The following TMEM201 variants were observed in gnomAD, a reference collection of about 807,000 sequenced individuals.
TMEM201 encodes the protein RP13-15M17.2.
TMEM201 carries 26 observed loss-of-function variants against 63.4 expected under a neutral mutation model. That is an observed-to-expected ratio of 0.41 (90% CI 0.30 to 0.57). The LOEUF is 0.57. TMEM201 is among the 20% of genes least tolerant of loss of function. The pLI is 0.29. For missense variants in TMEM201, 794 were observed against 917.7 expected, an observed-to-expected ratio of 0.87 and a Z score of 1.74; for synonymous variants, 417 against 421.6, an observed-to-expected ratio of 0.99 and a Z score of 0.14.
In TMEM201 at chr1:9,610,162, A is replaced by T. The variant is rs1644302089; in HGVS notation, c.1465+251A>T. Reference sequence around the variant, plus strand: ...TGGCAGTCACGGCTGGAACTGGTGCACCAGGTGCCAGCTGGCAGCAAGGCC... The same window carrying T: ...TGGCAGTCACGGCTGGAACTGGTGCTCCAGGTGCCAGCTGGCAGCAAGGCC... On this transcript the variant is annotated intron_variant, in intron 8 of 10. Coordinates refer to ENST00000340381, the MANE Select transcript of TMEM201 (RefSeq NM_001130924.3). This position sits in a 1 kb window ranked among gnomAD's most constrained non-coding sequence, Gnocchi z 4.9. Among the ~76,000 whole-genome samples the T allele has an allele frequency of 6.6e-6, 1 of 152,118 alleles. No homozygotes were observed. The highest frequency in any genetic ancestry group is 2.4e-5 in the African/African-American group (1 of 41,430).
In TMEM201 at chr1:9,602,248, G is replaced by T. The variant is rs1398717723; in HGVS notation, c.1136G>T (p.Gly379Val). 6.2e-7 allele frequency: 1 copy of T among 1,611,806 alleles called. No individual in the cohort carries two copies. Among genetic ancestry groups the T allele is most frequent in the Non-Finnish European group, 8.5e-7 (1 of 1,179,912 alleles). ...GCTGTGGCCACAAGGAAGGCAACGGGCCCACGGAGGTTCCGGCCCCGAAGG... is the reference window on the plus strand; with the variant it reads ...GCTGTGGCCACAAGGAAGGCAACGGTCCCACGGAGGTTCCGGCCCCGAAGG... ...TAAVATRKAT[G>V]PRRFRPRRFF... Residue 379 changes from glycine (G) to valine (V), a missense_variant, in exon 6 of 11, where the codon GGC becomes GTC. Physicochemically the swap from Gly to Val is moderately radical, Grantham distance 109. Transcript: ENST00000340381.
At chr1:9,600,581 G>A (rs888076693) in intron 4 of TMEM201, among the ~76,000 whole-genome samples, 1 of 152,236 alleles carries the variant, frequency 6.6e-6, no homozygotes, top group African/African-American at 2.4e-5. Flanking sequence ...GAGCAGGGTA[G>A]GGAGGTGGCC....
At position 9,612,871 on chromosome 1, in the gene TMEM201, A is replaced by G. The variant is rs955328010; in HGVS notation, c.1904-115A>G. The G allele has an allele frequency of 2.5e-4, 219 of 860,208 alleles. No individual in the cohort carries two copies. In the Admixed American group the frequency reaches 3.9e-3, roughly 15 times the overall value. The allele number at this position is 860,208 out of a possible 1,614,324, so 53.3% of individuals were successfully genotyped here. On this transcript the variant is annotated intron_variant, in intron 10 of 10. Coordinates refer to ENST00000340381, the MANE Select transcript of TMEM201 (RefSeq NM_001130924.3). ...GGGGTGAGCCTCACCAGTCTCAGAG[A>G]GTACCCTGGGCAGAGCCTTGAGCTC... is the stretch of plus-strand genomic sequence containing the variant.
chr1:9,612,254 C>T (rs1033923362), intron 10 of TMEM201, among the ~76,000 whole-genome samples: 19 of 152,188 alleles, frequency 1.2e-4, no homozygotes, highest in Non-Finnish European at 1.9e-4. Context: ...GGACACATAC[C>T]GAAGGCTGCC....
rs1644213139 is a variant in TMEM201, at chr1:9,604,787, C to T, written c.1160+2515C>T. On this transcript the variant is annotated intron_variant, in intron 6 of 10. Coordinates refer to ENST00000340381, the MANE Select transcript of TMEM201 (RefSeq NM_001130924.3). The surrounding 1 kb of genome is among the most constrained non-coding windows in gnomAD (Gnocchi z 4.1). ...ATTCAGCCCTGCCCAGGAAGGAACA[C>T]ATGACCCTTCTGTCTGTGACTGTTG... 1 of 986,032 alleles carries T rather than the reference C, an allele frequency of 1.0e-6. No individual in the cohort carries two copies. 61.1% of individuals were successfully genotyped at this position (986,032 alleles called of 1,614,324 possible). A position where few individuals can be genotyped will look rare whatever the true frequency, so the allele number is the denominator to read the frequency against.
In TMEM201 at chr1:9,603,662, G is replaced by T. The variant is rs1046553832; in HGVS notation, c.1160+1390G>T. On this transcript the variant is annotated intron_variant, in intron 6 of 10. Transcript: ENST00000340381. The surrounding 1 kb of genome is among the most constrained non-coding windows in gnomAD (Gnocchi z 4.5). Reference sequence around the variant, plus strand: ...CACCTGGGTCTGCCGGGATGGGTTGGGGGGGCAGGTGCCAGGCCTCACTGC... The same window carrying T: ...CACCTGGGTCTGCCGGGATGGGTTGTGGGGGCAGGTGCCAGGCCTCACTGC... 8 of 985,364 alleles carry T rather than the reference G, an allele frequency of 8.1e-6. No individual in the cohort carries two copies. Among genetic ancestry groups the T allele is most frequent in the African/African-American group, 1.7e-5 (1 of 57,226 alleles). 61.0% of individuals were successfully genotyped at this position (985,364 alleles called of 1,614,324 possible). A position where few individuals can be genotyped will look rare whatever the true frequency, so the allele number is the denominator to read the frequency against.
At chr1:9,601,869 C>CT (rs1191325497) in intron 5 of TMEM201, among the ~76,000 whole-genome samples, 200 bp from the exon 6 acceptor site, 6 of 152,200 alleles carry the variant, frequency 3.9e-5, no homozygotes, top group Non-Finnish European at 8.8e-5. Context: ...TAGGCTAGAA[C>CT]TTACAGGCTG....
At chr1:9,589,741 G>C (rs1569898673) in intron 1 of TMEM201, among the ~76,000 whole-genome samples, 1 of 152,380 alleles carries the variant, frequency 6.6e-6, no homozygotes, top group East Asian at 1.9e-4. Flanking sequence ...TAAAAGCTTA[G>C]TGGCCTGTTG....
At position 9,611,878 on chromosome 1, in the gene TMEM201, G is replaced by A. The variant is rs1348464085; in HGVS notation, c.1891G>A (p.Ala631Thr). 10 of 1,548,164 alleles carry A rather than the reference G, an allele frequency of 6.5e-6. No individual in the cohort carries two copies. The highest frequency in any genetic ancestry group is 4.1e-5 in the African/African-American group (3 of 72,926). Residue 631 changes from alanine (A) to threonine (T), a missense_variant, in exon 10 of 11, where the codon GCC (alanine) becomes ACC (threonine). Coordinates refer to ENST00000340381, the MANE Select transcript of TMEM201 (RefSeq NM_001130924.3). ...CACCAGGGGCTGCTCGGAGGAGGCC[G>A]CCACCTGGAGAGGTCTGTACCCTGA... ...TTTRGCSEEA[A>T]TWRGRFGPSL...
chr1:9,589,968 G>A (rs1034747547), intron 1 of TMEM201, among the ~76,000 whole-genome samples: 2 of 152,346 alleles, frequency 1.3e-5, no homozygotes, highest in Non-Finnish European at 1.5e-5. Context: ...AACCCTGATC[G>A]TCTGGCTGGT....
At position 9,608,658 on chromosome 1, in the gene TMEM201, C is replaced by T. The variant is rs1381073627; in HGVS notation, c.1393+869C>T. Among the ~76,000 whole-genome samples the T allele has an allele frequency of 1.3e-5, 2 of 152,210 alleles. No individual in the cohort carries two copies. Among genetic ancestry groups the T allele is most frequent in the Non-Finnish European group, 2.9e-5 (2 of 68,028 alleles). ...TCCGAGTAAACTCTGTGCGCACTGA[C>T]CAAGGTGGCAGAGCTCAGGGACTTC... On this transcript the variant is annotated intron_variant, in intron 7 of 10. Transcript: ENST00000340381. This position sits in a 1 kb window ranked among gnomAD's most constrained non-coding sequence, Gnocchi z 4.3.
In TMEM201 at chr1:9,595,908, G is replaced by A. The variant is rs772412947; in HGVS notation, c.132G>A (p.Thr44=). Residue 44 remains threonine, a synonymous_variant, in exon 2 of 11, where the codon ACG becomes ACA. Transcript: ENST00000340381. Reference sequence around the variant, plus strand: ...TCCACAGGATGAAGCCAACGCACACGATGGTCAACTGCTGGTTCTGCAACC... The same window carrying A: ...TCCACAGGATGAAGCCAACGCACACAATGGTCAACTGCTGGTTCTGCAACC... The part of the protein sequence containing the change: ...RIARRMKPTH[T]MVNCWFCNQD... 8 of 1,613,600 alleles carry A rather than the reference G, an allele frequency of 5.0e-6. No individual in the cohort carries two copies. The highest frequency in any genetic ancestry group is 1.7e-5 in the Admixed American group (1 of 60,022).
Position 9,602,233 on chromosome 1 carries a change from C to G in TMEM201, c.1121C>G (p.Thr374Arg), listed in dbSNP as rs1644157773. 2 of 1,612,352 alleles carry G rather than the reference C, an allele frequency of 1.2e-6. No homozygotes were observed. The highest frequency in any genetic ancestry group is 1.7e-6 in the Non-Finnish European group (2 of 1,179,962). ...GTTGGCTTCACGGCGGCTGTGGCCA[C>G]AAGGAAGGCAACGGGCCCACGGAGG... ...CLVGFTAAVA[T>R]RKATGPRRFR... Residue 374 changes from threonine to arginine, a missense_variant, in exon 6 of 11, where the codon ACA becomes AGA. Transcript: ENST00000340381.
At position 9,604,087 on chromosome 1, in the gene TMEM201, G is replaced by A. The variant is rs148475373; in HGVS notation, c.1160+1815G>A. ...GCCCATCTGAGAGAAGGACGTGGTG[G>A]AGCCAGGACGGGAAAGCGTCCTGTC... is the stretch of plus-strand genomic sequence containing the variant. On this transcript the variant is annotated intron_variant, in intron 6 of 10. Coordinates refer to ENST00000340381, the MANE Select transcript of TMEM201 (RefSeq NM_001130924.3). The surrounding 1 kb of genome is among the most constrained non-coding windows in gnomAD (Gnocchi z 4.1). 2.4e-3 allele frequency: 2,385 copies of A among 985,408 alleles called. 8 individuals carry two copies. Among genetic ancestry groups the A allele is most frequent in the Non-Finnish European group, 2.5e-3 (2,056 of 829,938 alleles). 61.0% of individuals were successfully genotyped at this position (985,408 alleles called of 1,614,324 possible).
chr1:9,603,386 C>G lies in TMEM201; in HGVS notation c.1160+1114C>G. 1.0e-6 allele frequency: 1 copy of G among 985,518 alleles called. No homozygotes were observed. Among genetic ancestry groups the G allele is most frequent in the Non-Finnish European group, 1.2e-6 (1 of 829,984 alleles). The allele number at this position is 985,518 out of a possible 1,614,324, so 61.0% of individuals were successfully genotyped here. ...CACTCTGGAAGTCGAGGGGCTGCCA[C>G]GTGCAGAGGAAGTTCCCGGCCTGGG... On this transcript the variant is annotated intron_variant, in intron 6 of 10. Transcript: ENST00000340381. The surrounding 1 kb of genome is among the most constrained non-coding windows in gnomAD (Gnocchi z 4.5).
At chr1:9,594,932 G>A (rs1005367745) in intron 1 of TMEM201, among the ~76,000 whole-genome samples, 1 of 152,244 alleles carries the variant, frequency 6.6e-6, no homozygotes, top group Admixed American at 6.5e-5. Flanking sequence ...TCCTGTGGAC[G>A]GGGGGCCGTC....
chr1:9,603,167 C>T lies in TMEM201; in HGVS notation c.1160+895C>T. 1 of 985,632 alleles carries T rather than the reference C, an allele frequency of 1.0e-6. No homozygotes were observed. The highest frequency in any genetic ancestry group is 1.2e-6 in the Non-Finnish European group (1 of 830,084). The allele number at this position is 985,632 out of a possible 1,614,324, so 61.1% of individuals were successfully genotyped here. Reference sequence around the variant, plus strand: ...CTCTGCAGGTGCCTGCTCACCATGGCCCAGCGCCACTCTGTCCTCCGACTC... The same window carrying T: ...CTCTGCAGGTGCCTGCTCACCATGGTCCAGCGCCACTCTGTCCTCCGACTC... On this transcript the variant is annotated intron_variant, in intron 6 of 10. Transcript: ENST00000340381. This position sits in a 1 kb window ranked among gnomAD's most constrained non-coding sequence, Gnocchi z 4.5.
In TMEM201 at chr1:9,603,752, C is replaced by CA; in HGVS notation, c.1160+1481dup. ...ACCCCAGTGATTGGGTAGCAGCTCACATCCCACCCAGCTTCACAAGTGAGG... is the reference window on the plus strand; with the variant it reads ...ACCCCAGTGATTGGGTAGCAGCTCACAATCCCACCCAGCTTCACAAGTGAGG... On this transcript the variant is annotated intron_variant, in intron 6 of 10. Transcript: ENST00000340381. This position sits in a 1 kb window ranked among gnomAD's most constrained non-coding sequence, Gnocchi z 4.5. 1.0e-6 allele frequency: 1 copy of CA among 985,440 alleles called. No homozygotes were observed. The highest frequency in any genetic ancestry group is 1.2e-6 in the Non-Finnish European group (1 of 829,940). 61.0% of individuals were successfully genotyped at this position (985,440 alleles called of 1,614,324 possible). A position where few individuals can be genotyped will look rare whatever the true frequency, so the allele number is the denominator to read the frequency against.
rs777509881 is a variant in TMEM201 at position 9,601,151 on chromosome 1, G to T, written c.653G>T (p.Arg218Leu). ...TCCCCGGTCCAGGTCATCCTGCTCCGTGCCCTCGCCTTCCTGGCCTGCGCC... is the reference window on the plus strand; with the variant it reads ...TCCCCGGTCCAGGTCATCCTGCTCCTTGCCCTCGCCTTCCTGGCCTGCGCC... Reference protein sequence around the residue: ...VKSPVQVILLRALAFLACAFL... With the variant: ...VKSPVQVILLLALAFLACAFL... Residue 218 changes from arginine to leucine, a missense_variant, in exon 5 of 11, where the codon CGT becomes CTT. Coordinates refer to ENST00000340381, the MANE Select transcript of TMEM201 (RefSeq NM_001130924.3). 1 of 1,607,160 alleles carries T rather than the reference G, an allele frequency of 6.2e-7. No individual in the cohort carries two copies. Among genetic ancestry groups the T allele is most frequent in the South Asian group, 1.1e-5 (1 of 90,862 alleles).
Sources: gnomAD v4.1 joint callset for allele counts (sites outside exome capture counted in the v4.1 genomes callset) on GRCh38, gnomAD v4.1.1 for gene constraint, Gnocchi (gnomAD v3.1) non-coding constraint, MANE v1.5 for transcripts, NCBI Gene and HGNC (gene_info 2026-07-23, HGNC 2026-07-21) for gene names.